SLC9B1: variants seen among roughly 807,000 people sequenced by gnomAD.
SLC9B1 encodes the protein solute carrier family 9 member B1, also known as sodium/hydrogen exchanger 9B1.
A neutral mutation model predicts 51.7 loss-of-function variants in SLC9B1; 32 were observed. The ratio of observed to expected loss-of-function variants is 0.62; its 90% CI spans 0.47 to 0.83. The LOEUF is 0.83. SLC9B1 is among the 40% of genes least tolerant of loss of function. The pLI is 0.00. For synonymous variants in SLC9B1, 145 were observed against 212.7 expected, an observed-to-expected ratio of 0.68 and a Z score of 2.77; for missense variants, 406 against 613.2, an observed-to-expected ratio of 0.66 and a Z score of 3.57.
chr4:102,950,973 T>C (rs1380967936), intron 3 of SLC9B1, among the ~76,000 whole-genome samples: 1 of 152,064 alleles, frequency 6.6e-6, no homozygotes, highest in African/African-American at 2.4e-5. Context: ...CCAGCCTAGG[T>C]AACAAGAGCA....
At chr4:102,918,216 GAA>G (rs1433340977) in intron 7 of SLC9B1, among the ~76,000 whole-genome samples, 1 of 151,178 alleles carries the variant, frequency 6.6e-6, no homozygotes, top group Non-Finnish European at 1.5e-5. Context: ...GAACAAAAGA[GAA>G]GACATTGCAA....
intron 11 of SLC9B1, chr4:102,888,610 T>C (rs1270327527): frequency 6.6e-6 from 1 of 152,284 alleles, no homozygotes; most frequent in East Asian, 1.9e-4. Flanking sequence ...TGAATCTTTT[T>C]AGTTTCATCT....
chr4:102,987,065 G>C (rs1362210792), intron 3 of SLC9B1, among the ~76,000 whole-genome samples: 2 of 152,168 alleles, frequency 1.3e-5, no homozygotes, highest in Non-Finnish European at 2.9e-5. Context: ...AAAAGGACCT[G>C]TGGTAAGTAA....
chr4:102,902,524 C>A (rs1464233894), intron 11 of SLC9B1, among the ~76,000 whole-genome samples: 1 of 151,908 alleles, frequency 6.6e-6, no homozygotes, highest in African/African-American at 2.4e-5. Context: ...GAACTTCCAA[C>A]AGAAAAAACA....
chr4:102,966,787 G>C (rs1487152825), intron 3 of SLC9B1, among the ~76,000 whole-genome samples: 7 of 152,110 alleles, frequency 4.6e-5, no homozygotes, highest in Non-Finnish European at 7.4e-5. Context: ...TGCACCCTTG[G>C]ATTCCTCTCC....
At chr4:102,917,273 G>A (rs1735622427) in intron 7 of SLC9B1, among the ~76,000 whole-genome samples, 1 of 152,086 alleles carries the variant, frequency 6.6e-6, no homozygotes, top group Non-Finnish European at 1.5e-5. Flanking sequence ...ACTGAGCCAT[G>A]TCACTGGCTT....
intron 11 of SLC9B1, chr4:102,891,775 T>A (rs2110410378): frequency 6.6e-6 from 1 of 152,360 alleles, no homozygotes; most frequent in African/African-American, 2.4e-5. Context: ...CAGTAGCAAT[T>A]TAAGTCATAA....
rs1446991739 is a variant in SLC9B1, at chr4:102,908,411, C to T, written c.1087-1767G>A. 2.0e-5 allele frequency among the ~76,000 whole-genome samples: 3 copies of T among 152,190 alleles called. No individual in the cohort carries two copies. The East Asian group carries it at 5.8e-4, about 29-fold the overall frequency. ...ATAGATATATATATATACATACACA[C>T]ACATCAGGCATGATGTAGTTCTATC... On this transcript the variant is annotated intron_variant, in intron 9 of 11. Coordinates refer to ENST00000296422, the MANE Select transcript of SLC9B1 (RefSeq NM_139173.4).
At chr4:102,901,787 T>C (rs1734805183) in intron 11 of SLC9B1, among the ~76,000 whole-genome samples, 1 of 152,244 alleles carries the variant, frequency 6.6e-6, no homozygotes, top group Non-Finnish European at 1.5e-5. Flanking sequence ...CAGGGGGCAC[T>C]GTGTTATAGC....
rs1735288308 is a variant in SLC9B1 at position 102,910,538 on chromosome 4, A to G, written c.987T>C (p.Ser329=). 5 of 1,546,884 alleles carry G rather than the reference A, an allele frequency of 3.2e-6. No individual in the cohort carries two copies. Among genetic ancestry groups the G allele is most frequent in the Non-Finnish European group, 4.3e-6 (5 of 1,149,970 alleles). ...CAATACGTTGGCTGCCTAAGACGGC[A>G]GAAACACACATAGTCAAAACAAGGA... ...RGFLVLTMCV[S]AVLGSQRIGL... Residue 329 remains serine (S), a synonymous_variant, in exon 9 of 12, where the codon TCT becomes TCC. Transcript: ENST00000296422.
chr4:102,949,476 T>G (rs1737435945), intron 3 of SLC9B1, 49 bp from the exon 4 acceptor site: 1 of 1,393,132 alleles, frequency 7.2e-7, no homozygotes, highest in Non-Finnish European at 9.5e-7. Context: ...CACATAGATG[T>G]ATACAAACAA....
In SLC9B1 at chr4:102,979,692, A is replaced by G. The variant is rs143203820; in HGVS notation, c.211+10108T>C. ...CTGTTCTCTACTGACTATAACCCAG[A>G]AGGAATGTGGATATTATTGTATTTT... On this transcript the variant is annotated intron_variant, in intron 3 of 11. Transcript: ENST00000296422. 1.0e-3 allele frequency among the ~76,000 whole-genome samples: 159 copies of G among 152,278 alleles called. 1 individual carries two copies. The highest frequency in any genetic ancestry group is 5.2e-3 in the South Asian group (25 of 4,830).
chr4:103,009,636 C>T (rs72665011), intron 1 of SLC9B1, among the ~76,000 whole-genome samples: 198 of 152,266 alleles, frequency 1.3e-3, no homozygotes, highest in Non-Finnish European at 2.5e-3. Flanking sequence ...ATAGTCTATT[C>T]TCTTATCTAC....
At chr4:102,886,820 G>A (rs570738822) in intron 11 of SLC9B1, among the ~76,000 whole-genome samples, 65 of 152,150 alleles carry the variant, frequency 4.3e-4, no homozygotes, top group African/African-American at 1.5e-3. Flanking sequence ...TTACCATGTT[G>A]GCCAGACTAG....
intron 6 of SLC9B1, among the ~76,000 whole-genome samples, chr4:102,942,665 C>T (rs1737062728): frequency 6.6e-6 from 1 of 152,156 alleles, no homozygotes; most frequent in Non-Finnish European, 1.5e-5. Context: ...TCACCTTATA[C>T]AAAAATCAAC....
intron 3 of SLC9B1, among the ~76,000 whole-genome samples, chr4:102,980,940 C>T (rs75997087): frequency 6.6e-6 from 1 of 152,216 alleles, no homozygotes; most frequent in East Asian, 1.9e-4. Flanking sequence ...ATATTTCCAT[C>T]ATTATAATAT....
At chr4:102,944,657 A>G (rs1198649107) in intron 6 of SLC9B1, among the ~76,000 whole-genome samples, 1 of 152,254 alleles carries the variant, frequency 6.6e-6, no homozygotes, top group Non-Finnish European at 1.5e-5. Flanking sequence ...AGGAGTTAGG[A>G]TCTAGAGACA....
intron 3 of SLC9B1, among the ~76,000 whole-genome samples, chr4:102,988,170 T>C (rs1739754320): frequency 6.6e-6 from 1 of 152,102 alleles, no homozygotes; most frequent in Non-Finnish European, 1.5e-5. Flanking sequence ...AAAAGCTTCA[T>C]AAAAATATAT....
At chr4:102,906,823 T>G (rs2110427862) in intron 9 of SLC9B1, among the ~76,000 whole-genome samples, 179 bp from the exon 10 acceptor site, 1 of 152,296 alleles carries the variant, frequency 6.6e-6, no homozygotes, top group Non-Finnish European at 1.5e-5. Context: ...CTTGAACTCC[T>G]GGGCTCAAGT....
Sources: allele counts gnomAD v4.1 joint callset (sites outside exome capture counted in the v4.1 genomes callset), GRCh38; gene constraint gnomAD v4.1.1; transcripts MANE v1.5; gene names NCBI Gene and HGNC (gene_info 2026-07-23, HGNC 2026-07-21).